The following SRPK2 variants were observed in gnomAD, a reference collection of about 807,000 sequenced individuals.
SRPK2 encodes SRSF protein kinase 2.
In SRPK2, 21 loss-of-function variants were observed where a neutral mutation model predicts 90.8. The observed-to-expected ratio is 0.23, with a 90% confidence interval of 0.16 to 0.33. The LOEUF (loss-of-function observed/expected upper bound fraction) is 0.33. Ranked by LOEUF, SRPK2 falls within the 10% of genes least tolerant of loss-of-function variation. SRPK2 has a pLI of 1.00. For missense variants in SRPK2, 620 were observed against 869.0 expected (o/e 0.71, Z 3.60); for synonymous variants, 288 against 311.1 (o/e 0.93, Z 0.78).
At chr7:105,312,231 G>A (rs961450883) in intron 2 of SRPK2, among the ~76,000 whole-genome samples, 25 of 152,132 alleles carry the variant, frequency 1.6e-4, no homozygotes, top group African/African-American at 6.0e-4. Flanking sequence ...CACAAGGTCA[G>A]GAGTTCGAGA....
intron 2 of SRPK2, among the ~76,000 whole-genome samples, chr7:105,206,234 T>C (rs548366499): frequency 3.0e-4 from 45 of 152,026 alleles, no homozygotes; most frequent in African/African-American, 1.1e-3. Flanking sequence ...AGGGGAGTCA[T>C]GCCCATTGAG....
At chr7:105,283,225 G>A (rs940414076) in intron 2 of SRPK2, among the ~76,000 whole-genome samples, 1 of 152,144 alleles carries the variant, frequency 6.6e-6, no homozygotes, top group East Asian at 1.9e-4. Context: ...TTGGAAACAC[G>A]CTGGCAATTC....
chr7:105,346,590 C>G (rs1484561111), intron 2 of SRPK2, among the ~76,000 whole-genome samples: 1 of 152,024 alleles, frequency 6.6e-6, no homozygotes, highest in Non-Finnish European at 1.5e-5. Context: ...CCTGTCTCTA[C>G]TAAAAACACA....
chr7:105,224,223 T>C (rs542663356), intron 2 of SRPK2, among the ~76,000 whole-genome samples: 36 of 152,346 alleles, frequency 2.4e-4, no homozygotes, highest in South Asian at 1.0e-3. Context: ...TTATGCCCTT[T>C]AATAATATTT....
At chr7:105,128,499 C>T (rs1801527229) in intron 13 of SRPK2, among the ~76,000 whole-genome samples, 1 of 152,162 alleles carries the variant, frequency 6.6e-6, no homozygotes, top group South Asian at 2.1e-4. Flanking sequence ...CCAAGTGGAA[C>T]AACTAGATTA....
chr7:105,231,304 C>CCAGT (rs748876657), intron 2 of SRPK2, among the ~76,000 whole-genome samples: 14 of 152,122 alleles, frequency 9.2e-5, no homozygotes, highest in Non-Finnish European at 1.5e-4. Flanking sequence ...TTTTCTTTAT[C>CCAGT]CAGTCGGTCA....
chr7:105,148,808 A>G (rs971284678), intron 7 of SRPK2, among the ~76,000 whole-genome samples: 1 of 152,232 alleles, frequency 6.6e-6, no homozygotes, highest in African/African-American at 2.4e-5. Flanking sequence ...CCCAACCTGG[A>G]GCTCACAAAA....
chr7:105,315,839 T>A (rs1812246001), intron 2 of SRPK2, among the ~76,000 whole-genome samples: 1 of 152,144 alleles, frequency 6.6e-6, no homozygotes, highest in Non-Finnish European at 1.5e-5. Flanking sequence ...TCTAATATAA[T>A]GCATAATAAA....
chr7:105,222,914 G>T (rs1798278380), intron 2 of SRPK2, among the ~76,000 whole-genome samples: 1 of 152,144 alleles, frequency 6.6e-6, no homozygotes, highest in Admixed American at 6.5e-5. Context: ...CTAGTATGTG[G>T]TAAGAATCAG....
At chr7:105,374,137 G>T (rs1465193409) in intron 2 of SRPK2, among the ~76,000 whole-genome samples, 6 of 151,926 alleles carry the variant, frequency 3.9e-5, no homozygotes, top group Non-Finnish European at 7.4e-5. Context: ...ATGTTGGCCA[G>T]GCTGGTCTCA....
At chr7:105,229,581 C>T (rs1313889359) in intron 2 of SRPK2, among the ~76,000 whole-genome samples, 1 of 152,170 alleles carries the variant, frequency 6.6e-6, no homozygotes, top group Non-Finnish European at 1.5e-5. Flanking sequence ...GTATCTCTCC[C>T]TCTCCTTCCG....
chr7:105,256,541 G>C (rs894561111), intron 2 of SRPK2, among the ~76,000 whole-genome samples: 8 of 152,096 alleles, frequency 5.3e-5, no homozygotes, highest in African/African-American at 1.4e-4. Flanking sequence ...TTATTTTGTA[G>C]AGACGGGGGT....
chr7:105,270,410 C>CT lies in SRPK2; in HGVS notation c.72-66626dup, dbSNP rs34076915. ...GGATTTAGGAACAGCCTCCTCTGCC[C>CT]TTTTTTTTTTTTTTTTGAGATGGAA... On this transcript the variant is annotated intron_variant, in intron 2 of 15. Coordinates refer to ENST00000393651, the MANE Select transcript of SRPK2 (RefSeq NM_182692.3). Among the ~76,000 whole-genome samples, 218 of 141,418 alleles carry CT rather than the reference C, an allele frequency of 1.5e-3. 1 individual carries two copies. The highest frequency in any genetic ancestry group is 0.01 in the South Asian group (45 of 4,482). 92.8% of individuals were successfully genotyped at this position (141,418 alleles called of 152,430 possible).
At chr7:105,389,414 G>T, upstream of SRPK2, 3 of 1,221,594 alleles carry the variant, frequency 2.5e-6, no homozygotes, top group South Asian at 1.4e-5. Flanking sequence ...AAGGGCACAC[G>T]ACCAAAAGCT....
intron 3 of SRPK2, among the ~76,000 whole-genome samples, chr7:105,171,681 C>T (rs1197342733): frequency 6.6e-6 from 1 of 152,152 alleles, no homozygotes; most frequent in Admixed American, 6.5e-5. Flanking sequence ...ATACTGAGTT[C>T]GTGAGATTCT....
intron 2 of SRPK2, among the ~76,000 whole-genome samples, chr7:105,229,429 A>T (rs553081490): frequency 6.6e-6 from 1 of 151,556 alleles, no homozygotes; most frequent in African/African-American, 2.4e-5. Context: ...GCGCCACTGC[A>T]CTCCAGCCTG....
chr7:105,152,264 C>T (rs1805805363), intron 7 of SRPK2, among the ~76,000 whole-genome samples: 1 of 152,034 alleles, frequency 6.6e-6, no homozygotes, highest in Admixed American at 6.6e-5. Context: ...ATTCTCCTGC[C>T]TCAGCCTCCC....
intron 2 of SRPK2, among the ~76,000 whole-genome samples, chr7:105,231,740 C>G (rs1467994988): frequency 6.6e-6 from 1 of 152,114 alleles, no homozygotes. Context: ...ATGTCCTTTG[C>G]CCACTTTTTA....
At chr7:105,379,819 A>G (rs1176450516) in intron 2 of SRPK2, among the ~76,000 whole-genome samples, 1 of 152,142 alleles carries the variant, frequency 6.6e-6, no homozygotes, top group Non-Finnish European at 1.5e-5. Flanking sequence ...TCTACTAAAA[A>G]TACAAAAATT....
Sources: gnomAD v4.1 joint callset for allele counts (sites outside exome capture counted in the v4.1 genomes callset) on GRCh38, gnomAD v4.1.1 for gene constraint, MANE v1.5 for transcripts, NCBI Gene and HGNC (gene_info 2026-07-23, HGNC 2026-07-21) for gene names.